The following IMMP2L variants were observed in gnomAD, a reference collection of about 807,000 sequenced individuals.
IMMP2L encodes inner mitochondrial membrane peptidase subunit 2.
A neutral mutation model predicts 19.3 loss-of-function variants in IMMP2L; 18 were observed. The ratio of observed to expected loss-of-function variants is 0.93; its 90% confidence interval spans 0.64 to 1.38. The LOEUF is 1.38. Ranked by LOEUF, IMMP2L falls within the 40% of genes most tolerant of loss-of-function variation. The pLI is 0.00. For synonymous variants in IMMP2L, 76 were observed against 73.0 expected (o/e 1.04, Z -0.21); for missense variants, 233 against 218.2 (o/e 1.07, Z -0.43).
chr7:110,944,407 A>G, intron 4 of IMMP2L, among the ~76,000 whole-genome samples: 1 of 150,384 alleles, frequency 6.6e-6, no homozygotes, highest in East Asian at 1.9e-4. Context: ...GATAAGCATG[A>G]AAGTATTTTT....
intron 3 of IMMP2L, among the ~76,000 whole-genome samples, chr7:111,375,361 T>C (rs1479869653): frequency 6.6e-6 from 1 of 152,016 alleles, no homozygotes; most frequent in Non-Finnish European, 1.5e-5. Context: ...TAAATTATGA[T>C]GTCAAGGTCT....
At chr7:110,897,995 G>T (rs1407306264) in intron 4 of IMMP2L, among the ~76,000 whole-genome samples, 3 of 150,694 alleles carry the variant, frequency 2.0e-5, no homozygotes, top group African/African-American at 7.3e-5. Context: ...AAGAATAAAA[G>T]AAAGTAAAAA....
At chr7:111,158,957 A>T (rs529772161) in intron 3 of IMMP2L, among the ~76,000 whole-genome samples, 62 of 152,284 alleles carry the variant, frequency 4.1e-4, no homozygotes, top group African/African-American at 1.3e-3. Context: ...TTTTATAAGC[A>T]TATGCTTAAT....
At chr7:111,260,266 G>T (rs1378960838) in intron 3 of IMMP2L, among the ~76,000 whole-genome samples, 1 of 152,142 alleles carries the variant, frequency 6.6e-6, no homozygotes, top group Non-Finnish European at 1.5e-5. Context: ...CACACGAGTA[G>T]TGCATTGTGC....
At chr7:110,802,226 C>T (rs1317566450) in intron 5 of IMMP2L, among the ~76,000 whole-genome samples, 1 of 151,854 alleles carries the variant, frequency 6.6e-6, no homozygotes, top group Non-Finnish European at 1.5e-5. Context: ...AAATCCTCTT[C>T]TGAATTTTCA....
chr7:111,104,723 G>A lies in IMMP2L; in HGVS notation c.240-141158C>T, dbSNP rs528539243. On this transcript the variant is annotated intron_variant, in intron 3 of 5. Coordinates refer to ENST00000405709, the MANE Select transcript of IMMP2L (RefSeq NM_032549.4). The stretch of plus-strand genomic sequence containing the variant: ...AAAGTGTGAAGGACTTGTCACAAGC[G>A]ATGAGATGTTAATGTATTCACAATA... 4.6e-5 allele frequency among the ~76,000 whole-genome samples: 7 copies of A among 151,772 alleles called. No individual in the cohort carries two copies. The South Asian group carries it at 1.0e-3, about 22-fold the overall frequency.
intron 5 of IMMP2L, among the ~76,000 whole-genome samples, chr7:110,671,776 C>T (rs117101794): frequency 6.6e-6 from 1 of 151,806 alleles, no homozygotes; most frequent in Non-Finnish European, 1.5e-5. Context: ...CTTGCAAGGA[C>T]AAGATAAGGA....
At chr7:111,281,182 GAA>G (rs1444263963) in intron 3 of IMMP2L, among the ~76,000 whole-genome samples, 31 of 72,756 alleles carry the variant, frequency 4.3e-4, no homozygotes, top group Non-Finnish European at 5.8e-4. Context: ...AAGAAAGAAA[GAA>G]AGAAAGAAAG....
intron 5 of IMMP2L, among the ~76,000 whole-genome samples, chr7:110,772,306 G>A (rs1174621338): frequency 2.0e-5 from 3 of 152,116 alleles, no homozygotes; most frequent in African/African-American, 2.4e-5. Context: ...GTAATGCCGA[G>A]TACAACCATC....
intron 5 of IMMP2L, among the ~76,000 whole-genome samples, chr7:110,882,350 T>C (rs1809763759): frequency 7.5e-6 from 1 of 132,520 alleles, no homozygotes; most frequent in African/African-American, 3.2e-5. Context: ...CCCTCCTTCC[T>C]CTCTCCCTCT....
chr7:111,239,420 T>G (rs1292660833), intron 3 of IMMP2L, among the ~76,000 whole-genome samples: 1 of 151,872 alleles, frequency 6.6e-6, no homozygotes, highest in Non-Finnish European at 1.5e-5. Flanking sequence ...AATTTAATGC[T>G]CTCATACTTA....
chr7:111,229,168 CTGA>C (rs1813442626), intron 3 of IMMP2L, among the ~76,000 whole-genome samples: 1 of 151,952 alleles, frequency 6.6e-6, no homozygotes. Flanking sequence ...TCTTTCCACA[CTGA>C]TGACAGATAT....
At chr7:110,918,444 C>A (rs369201038) in intron 4 of IMMP2L, among the ~76,000 whole-genome samples, 1 of 139,602 alleles carries the variant, frequency 7.2e-6, no homozygotes, top group Non-Finnish European at 1.5e-5. Context: ...AATTTCTTTT[C>A]TTTTTTTCTT....
intron 3 of IMMP2L, among the ~76,000 whole-genome samples, chr7:111,371,949 C>T (rs920624127): frequency 2.0e-5 from 3 of 151,990 alleles, no homozygotes; most frequent in Non-Finnish European, 1.5e-5. Flanking sequence ...TGGTATTCTT[C>T]AAACTGTGAA....
Position 110,829,656 on chromosome 7 carries a change from G to C in IMMP2L, c.408+56937C>G, listed in dbSNP as rs114828230. Among the ~76,000 whole-genome samples, 799 of 152,198 alleles carry C rather than the reference G, an allele frequency of 5.2e-3. 13 individuals carry two copies. Among genetic ancestry groups the C allele is most frequent in the African/African-American group, 0.018 (752 of 41,550 alleles). On this transcript the variant is annotated intron_variant, in intron 5 of 5. Coordinates refer to ENST00000405709, the MANE Select transcript of IMMP2L (RefSeq NM_032549.4). ...CTGTGAATAATTCAAAGTACTAAATGGCATGAATAGATTCATATTTTAATG... is the reference window on the plus strand; with the variant it reads ...CTGTGAATAATTCAAAGTACTAAATCGCATGAATAGATTCATATTTTAATG...
intron 3 of IMMP2L, among the ~76,000 whole-genome samples, chr7:110,974,742 T>G (rs1229924519): frequency 2.0e-5 from 3 of 152,166 alleles, no homozygotes; most frequent in Non-Finnish European, 4.4e-5. Flanking sequence ...CTTTTCCTAT[T>G]CTTCCTCCCA....
intron 3 of IMMP2L, among the ~76,000 whole-genome samples, chr7:111,126,861 C>A (rs766745824): frequency 1.5e-4 from 23 of 152,140 alleles, no homozygotes; most frequent in South Asian, 4.1e-4. Context: ...TCATAAGCAA[C>A]TTTTAACTTT....
At chr7:110,951,919 G>A (rs990093426) in intron 4 of IMMP2L, among the ~76,000 whole-genome samples, 3 of 151,982 alleles carry the variant, frequency 2.0e-5, no homozygotes, top group African/African-American at 4.8e-5. Flanking sequence ...CCCGGTCAAC[G>A]TTAAGTTAAA....
At chr7:110,873,451 A>T (rs1808734233) in intron 5 of IMMP2L, among the ~76,000 whole-genome samples, 1 of 150,052 alleles carries the variant, frequency 6.7e-6, no homozygotes, top group Non-Finnish European at 1.5e-5. Context: ...AAAAAAAAAA[A>T]AAAAAAAGTT....
Sources: gnomAD v4.1 joint callset for allele counts (sites outside exome capture counted in the v4.1 genomes callset) on GRCh38, gnomAD v4.1.1 for gene constraint, MANE v1.5 for transcripts, NCBI Gene and HGNC (gene_info 2026-07-23, HGNC 2026-07-21) for gene names.